SOCS4: variants seen among roughly 807,000 people sequenced by gnomAD.
SOCS4 encodes the protein SH2 domain containing SOCS box protein.
A neutral mutation model predicts 34.1 loss-of-function variants in SOCS4; 20 were observed. The observed-to-expected ratio is 0.59, with a 90% CI of 0.41 to 0.85. The LOEUF is 0.85. Ranked by LOEUF, SOCS4 falls within the 40% of genes least tolerant of loss-of-function variation. The probability of loss-of-function intolerance (pLI) is 0.00; values close to 1 mark genes in which losing one functional copy is unlikely to be tolerated. For synonymous variants in SOCS4, 180 were observed against 186.4 expected, an observed-to-expected ratio of 0.97 and a Z score of 0.28; for missense variants, 479 against 532.4, an observed-to-expected ratio of 0.90 and a Z score of 0.99.
intron 2 of SOCS4, among the ~76,000 whole-genome samples, chr14:55,040,905 T>C (rs2042612483): frequency 6.6e-6 from 1 of 151,836 alleles, no homozygotes; most frequent in Non-Finnish European, 1.5e-5. Flanking sequence ...TTTTTTTTTT[T>C]TTTGGAACTG....
In SOCS4 at chr14:55,043,753, T is replaced by C. The variant is rs748432942; in HGVS notation, c.712T>C (p.Cys238Arg). Reference protein sequence around the residue: ...MDSDDEILTLCTSSRKRNKPK... With the variant: ...MDSDDEILTLRTSSRKRNKPK... ...TTCCGATGATGAAATTCTAACACTT[T>C]GCACAAGTTCCAGAAAAAGAAACAA... Residue 238 changes from cysteine to arginine, a missense_variant, in exon 3 of 3, where the codon TGC becomes CGC. Transcript: ENST00000555846. 3.1e-6 allele frequency: 5 copies of C among 1,614,152 alleles called. No homozygotes were observed. The South Asian group carries it at 4.4e-5, about 14-fold the overall frequency.
intron 2 of SOCS4, among the ~76,000 whole-genome samples, chr14:55,038,588 T>C (rs1300582007): frequency 6.6e-6 from 1 of 152,222 alleles, no homozygotes; most frequent in Non-Finnish European, 1.5e-5. Context: ...CAAGGAACTT[T>C]TACTTTGTTT....
In SOCS4 at chr14:55,035,189, G is replaced by A. The variant is rs150783312; in HGVS notation, c.-91+3198G>A. On this transcript the variant is annotated intron_variant, in intron 2 of 2. Transcript: ENST00000555846. ...ATTAGCTCTTTAAGTACAGGTGAAC[G>A]TGTGGAAAACTCAACTAGGGCAGTG... is the stretch of plus-strand genomic sequence containing the variant. 9.7e-4 allele frequency among the ~76,000 whole-genome samples: 147 copies of A among 152,258 alleles called. 1 individual carries two copies. In the Middle Eastern group the frequency reaches 0.024, roughly 25 times the overall value.
At chr14:55,035,327 T>C (rs970860914) in intron 2 of SOCS4, among the ~76,000 whole-genome samples, 9 of 152,030 alleles carry the variant, frequency 5.9e-5, no homozygotes, top group Admixed American at 6.6e-5. Flanking sequence ...AAGTTGGGAG[T>C]CTTGCAAAAG....
chr14:55,039,355 T>C (rs2042597980), intron 2 of SOCS4, among the ~76,000 whole-genome samples: 1 of 151,708 alleles, frequency 6.6e-6, no homozygotes. Flanking sequence ...GGAGAGTCAC[T>C]TGAGCCTGGG....
At chr14:55,039,176 G>T (rs1197199839) in intron 2 of SOCS4, among the ~76,000 whole-genome samples, 1 of 152,154 alleles carries the variant, frequency 6.6e-6, no homozygotes, top group Non-Finnish European at 1.5e-5. Flanking sequence ...GAAATTTAGG[G>T]CTGGGCTCAG....
intron 2 of SOCS4, among the ~76,000 whole-genome samples, chr14:55,037,678 G>C (rs2042585298): frequency 6.6e-6 from 1 of 151,788 alleles, no homozygotes; most frequent in South Asian, 2.1e-4. Flanking sequence ...ATTTTTAGTA[G>C]AGACAGGGTT....
chr14:55,047,417 A>T lies in SOCS4; in HGVS notation c.*3053A>T. 1 of 167,148 alleles carries T rather than the reference A, an allele frequency of 6.0e-6. No homozygotes were observed. 10.4% of individuals were successfully genotyped at this position (167,148 alleles called of 1,614,324 possible). ...CTGAAGTATGCTGAATGGACTTTTT[A>T]AGGTTCCTTTAGCATTTTTGTATAG... On this transcript the variant is annotated 3_prime_UTR_variant, in exon 3 of 3. Coordinates refer to ENST00000555846, the MANE Select transcript of SOCS4 (RefSeq NM_199421.2).
chr14:55,044,249 AT>A lies in SOCS4; in HGVS notation c.1209del (p.Tyr403Ter), dbSNP rs2042652495. On this transcript the variant is annotated frameshift_variant, in exon 3 of 3. Coordinates refer to ENST00000555846, the MANE Select transcript of SOCS4 (RefSeq NM_199421.2). LOFTEE classifies it high-confidence loss of function. Reference sequence around the variant, plus strand: ...ACAGTTATTTGTAACTGTACAACTTATGATGGCATCGATGCCCTTCCAATTC... The same window carrying A: ...ACAGTTATTTGTAACTGTACAACTTAGATGGCATCGATGCCCTTCCAATTC... ...CRTVICNCTT[Y>X]DGIDALPIPS... 2 of 1,613,954 alleles carry A rather than the reference AT, an allele frequency of 1.2e-6. No homozygotes were observed. The highest frequency in any genetic ancestry group is 2.7e-5 in the African/African-American group (2 of 74,930).
rs116981342 is a variant in SOCS4, at chr14:55,028,298, T to C, written c.-220+827T>C. 6.9e-3 allele frequency among the ~76,000 whole-genome samples: 1,046 copies of C among 152,306 alleles called. 22 individuals are homozygous for C. The highest frequency in any genetic ancestry group is 0.046 in the South Asian group (222 of 4,830). On this transcript the variant is annotated intron_variant, in intron 1 of 2. Coordinates refer to ENST00000555846, the MANE Select transcript of SOCS4 (RefSeq NM_199421.2). Reference sequence around the variant, plus strand: ...CTTGCTAGACGCTGAGGTTTGTATATGAATGAAGAGGAAGAATGATTGGCT... The same window carrying C: ...CTTGCTAGACGCTGAGGTTTGTATACGAATGAAGAGGAAGAATGATTGGCT...
chr14:55,031,140 A>C (rs1271460606), intron 1 of SOCS4, among the ~76,000 whole-genome samples: 1 of 152,172 alleles, frequency 6.6e-6, no homozygotes, highest in Admixed American at 6.5e-5. Context: ...TTTATTCCAT[A>C]AAATGGTTCA....
At chr14:55,031,255 A>G (rs2042526185) in intron 1 of SOCS4, among the ~76,000 whole-genome samples, 2 of 152,124 alleles carry the variant, frequency 1.3e-5, no homozygotes, top group South Asian at 4.1e-4. Flanking sequence ...TTCACTCTAG[A>G]TTAGCCCCTT....
At chr14:55,034,860 T>G (rs2042558408) in intron 2 of SOCS4, among the ~76,000 whole-genome samples, 1 of 122,036 alleles carries the variant, frequency 8.2e-6, no homozygotes, top group African/African-American at 3.1e-5. Context: ...TCTCTCTCTG[T>G]TTTTTTTTTT....
At chr14:55,040,785 A>C (rs975843598) in intron 2 of SOCS4, among the ~76,000 whole-genome samples, 1 of 151,748 alleles carries the variant, frequency 6.6e-6, no homozygotes, top group Non-Finnish European at 1.5e-5. Flanking sequence ...CTTTTAATTT[A>C]TTGGGGATTT....
intron 2 of SOCS4, among the ~76,000 whole-genome samples, chr14:55,039,185 A>C (rs930416960): frequency 3.9e-5 from 6 of 152,220 alleles, no homozygotes; most frequent in African/African-American, 1.2e-4. Flanking sequence ...GGCTGGGCTC[A>C]GTGGCTCATG....
chr14:55,034,617 A>G (rs1301154533), intron 2 of SOCS4, among the ~76,000 whole-genome samples: 1 of 151,994 alleles, frequency 6.6e-6, no homozygotes, highest in Non-Finnish European at 1.5e-5. Flanking sequence ...GTGGATCACG[A>G]GGTCAGGAGT....
Position 55,043,708 on chromosome 14 carries a change from A to T in SOCS4, c.667A>T (p.Ile223Leu). The T allele has an allele frequency of 6.2e-7, 1 of 1,614,216 alleles. No individual in the cohort carries two copies. The highest frequency in any genetic ancestry group is 8.5e-7 in the Non-Finnish European group (1 of 1,180,022). ...SVMNLVSNNS[I>L]EDSDMDSDDE... is the part of the protein sequence containing the mutation. ...GATGAACCTGGTTTCAAATAACAGT[A>T]TAGAAGATAGTGATATGGATTCCGA... The change falls in exon 3 of 3, where the codon ATA becomes TTA. Residue 223 changes from isoleucine (I) to leucine (L), a missense_variant. Coordinates refer to ENST00000555846, the MANE Select transcript of SOCS4 (RefSeq NM_199421.2).
intron 2 of SOCS4, among the ~76,000 whole-genome samples, chr14:55,040,034 A>C (rs1426407408): frequency 6.6e-6 from 1 of 152,268 alleles, no homozygotes; most frequent in African/African-American, 2.4e-5. Context: ...TTTAGTAAAT[A>C]AAAGCGCCAA....
chr14:55,045,910 T>C lies in SOCS4; in HGVS notation c.*1546T>C, dbSNP rs558685372. On this transcript the variant is annotated 3_prime_UTR_variant, in exon 3 of 3. Coordinates refer to ENST00000555846, the MANE Select transcript of SOCS4 (RefSeq NM_199421.2). The stretch of plus-strand genomic sequence containing the variant: ...TATTGTTGCTTTTATGTGAGTAGCA[T>C]TTCCCTATCTTGCAGTTCTGTTAAC... 6.0e-6 allele frequency: 1 copy of C among 167,118 alleles called. No individual in the cohort carries two copies. The highest frequency in any genetic ancestry group is 2.1e-4 in the South Asian group (1 of 4,828). The allele number at this position is 167,118 out of a possible 1,614,324, so 10.4% of individuals were successfully genotyped here.
Sources: allele counts gnomAD v4.1 joint callset (sites outside exome capture counted in the v4.1 genomes callset), GRCh38; gene constraint gnomAD v4.1.1; transcripts MANE v1.5; gene names NCBI Gene and HGNC (gene_info 2026-07-23, HGNC 2026-07-21).